The following VDAC1 variants were observed in gnomAD, a reference collection of about 807,000 sequenced individuals.
VDAC1 encodes voltage dependent anion channel 1.
In VDAC1, 10 loss-of-function variants were observed where a neutral mutation model predicts 34.7. The ratio of observed to expected loss-of-function variants is 0.29; its 90% confidence interval spans 0.18 to 0.49. The LOEUF is 0.49. Among genes scored for constraint, VDAC1 ranks in the 20% least tolerant of loss-of-function variants. The pLI is 0.99. For missense variants in VDAC1, 230 were observed against 347.9 expected (o/e 0.66, Z 2.69); for synonymous variants, 130 against 136.0 (o/e 0.96, Z 0.30).
At chr5:134,014,237 T>A in the VDAC1 span, among the ~76,000 whole-genome samples, 1 of 143,408 alleles carries the variant, frequency 7.0e-6, no homozygotes, top group African/African-American at 2.6e-5. Flanking sequence ...TTGCAGTGAG[T>A]CGAGATCGTG....
chr5:134,064,310 G>GTT, the VDAC1 span, among the ~76,000 whole-genome samples: 2 of 150,520 alleles, frequency 1.3e-5, no homozygotes, highest in Non-Finnish European at 3.0e-5. Context: ...GTTTTTTGGG[G>GTT]TTTTTTTTTG....
At chr5:134,090,530 C>A in the VDAC1 span, among the ~76,000 whole-genome samples, 1 of 152,294 alleles carries the variant, frequency 6.6e-6, no homozygotes, top group Admixed American at 6.5e-5. Flanking sequence ...CCATGAAATG[C>A]TTTGGCCTGG....
chr5:134,016,879 C>T, the VDAC1 span, among the ~76,000 whole-genome samples: 3 of 152,194 alleles, frequency 2.0e-5, no homozygotes, highest in Non-Finnish European at 2.9e-5. Context: ...GGCTGAGACC[C>T]TGGCCATGCA....
chr5:134,017,517 G>T, the VDAC1 span, among the ~76,000 whole-genome samples: 1 of 152,128 alleles, frequency 6.6e-6, no homozygotes, highest in African/African-American at 2.4e-5. Context: ...GGACGTGAGG[G>T]CAGGGACCAG....
chr5:134,021,397 C>G, the VDAC1 span, among the ~76,000 whole-genome samples: 15 of 148,920 alleles, frequency 1.0e-4, no homozygotes, highest in Non-Finnish European at 5.9e-5. Context: ...TCCAAGTGTT[C>G]TCATTGCTCC....
At chr5:134,000,623 C>T (rs188716234) in intron 1 of VDAC1, among the ~76,000 whole-genome samples, 26 of 152,258 alleles carry the variant, frequency 1.7e-4, no homozygotes, top group African/African-American at 6.0e-4. Context: ...AGTTCTAACC[C>T]ACCCCACCAC....
At chr5:134,024,388 G>A in the VDAC1 span, among the ~76,000 whole-genome samples, 500 of 151,838 alleles carry the variant, frequency 3.3e-3, 3 homozygotes, top group Non-Finnish European at 5.2e-3. Flanking sequence ...AATTAGCCAG[G>A]TGTGGTGGTG....
intron 5 of VDAC1, among the ~76,000 whole-genome samples, chr5:133,985,936 C>G (rs987764598): frequency 6.6e-6 from 1 of 152,250 alleles, no homozygotes; most frequent in Admixed American, 6.5e-5. Flanking sequence ...GTTGACATGG[C>G]ACCCCCACCC....
the VDAC1 span, among the ~76,000 whole-genome samples, chr5:134,093,780 G>A: frequency 0.15 from 22,872 of 152,190 alleles, 3,001 homozygotes; most frequent in African/African-American, 0.35. Context: ...TAGGGGGAGT[G>A]GAGGCGAGGG....
intron 5 of VDAC1, among the ~76,000 whole-genome samples, chr5:133,981,780 C>G (rs1752710588): frequency 6.6e-6 from 1 of 152,184 alleles, no homozygotes; most frequent in South Asian, 2.1e-4. Context: ...ACAAATACAA[C>G]ATGGATCATT....
At chr5:134,094,895 G>A in the VDAC1 span, among the ~76,000 whole-genome samples, 1 of 152,142 alleles carries the variant, frequency 6.6e-6, no homozygotes, top group Non-Finnish European at 1.5e-5. Flanking sequence ...AGACTGCAAA[G>A]GCCTGGGGAA....
the VDAC1 span, among the ~76,000 whole-genome samples, chr5:134,019,953 C>T: frequency 6.6e-6 from 1 of 152,184 alleles, no homozygotes; most frequent in Non-Finnish European, 1.5e-5. Context: ...TGGGCAATGA[C>T]AGGTAGATAC....
chr5:134,019,448 T>C, the VDAC1 span, among the ~76,000 whole-genome samples: 3 of 152,026 alleles, frequency 2.0e-5, no homozygotes, highest in Admixed American at 6.6e-5. Context: ...GATATGGTGG[T>C]GAACACCTGT....
At chr5:134,089,985 CTG>C in the VDAC1 span, among the ~76,000 whole-genome samples, 1 of 148,078 alleles carries the variant, frequency 6.8e-6, no homozygotes, top group Non-Finnish European at 1.5e-5. Flanking sequence ...GAGAGAAACT[CTG>C]TCTCAAAAAA....
At chr5:134,085,384 A>G in the VDAC1 span, among the ~76,000 whole-genome samples, 1 of 151,658 alleles carries the variant, frequency 6.6e-6, no homozygotes, top group Non-Finnish European at 1.5e-5. Flanking sequence ...GATCCCTCTT[A>G]AGAAACCTGG....
the VDAC1 span, among the ~76,000 whole-genome samples, chr5:134,106,265 C>A: frequency 6.6e-6 from 1 of 152,118 alleles, no homozygotes; most frequent in Non-Finnish European, 1.5e-5. Flanking sequence ...GATGTGAAGC[C>A]CCTTGCATAA....
At chr5:134,023,934 A>G in the VDAC1 span, among the ~76,000 whole-genome samples, 1 of 151,204 alleles carries the variant, frequency 6.6e-6, no homozygotes, top group Non-Finnish European at 1.5e-5. Context: ...GGAGTTTGAG[A>G]CCAGCCTGGC....
the VDAC1 span, among the ~76,000 whole-genome samples, chr5:134,033,018 A>C: frequency 6.6e-6 from 1 of 151,274 alleles, no homozygotes; most frequent in Admixed American, 6.6e-5. Flanking sequence ...TGAGAGCCCC[A>C]TCTCAAAAAA....
chr5:134,101,503 TG>T, the VDAC1 span, among the ~76,000 whole-genome samples: 1 of 149,554 alleles, frequency 6.7e-6, no homozygotes, highest in Non-Finnish European at 1.5e-5. Context: ...GACGTTGCAG[TG>T]AGCCGAGATC....
Sources: gnomAD v4.1 joint callset for allele counts (sites outside exome capture counted in the v4.1 genomes callset) on GRCh38, gnomAD v4.1.1 for gene constraint, MANE v1.5 for transcripts, NCBI Gene and HGNC (gene_info 2026-07-23, HGNC 2026-07-21) for gene names.